The following GABRP variants were observed in gnomAD, a reference collection of about 807,000 sequenced individuals.
The protein encoded by GABRP is gamma-aminobutyric acid receptor subunit pi.
GABRP carries 52 observed loss-of-function variants against 47.8 expected under a neutral mutation model. That is an observed-to-expected ratio of 1.09 (90% confidence interval 0.87 to 1.37). GABRP has a LOEUF of 1.37. Ranked by LOEUF, GABRP falls within the 40% of genes most tolerant of loss-of-function variation. GABRP has a pLI of 0.00. For missense variants in GABRP, 525 were observed against 542.8 expected (o/e 0.97, Z 0.33); for synonymous variants, 221 against 205.8 (o/e 1.07, Z -0.63).
rs137960338 is a variant in GABRP at position 170,805,819 on chromosome 5, T to C, written c.645T>C (p.Tyr215=). The change falls in exon 7 of 10, where the codon TAT becomes TAC. Residue 215 remains tyrosine, a synonymous_variant. Transcript: ENST00000265294. ...TTGCTCAGTACACCATAGAGCGGTA[T>C]TTCACCTTAGTCACCAGATCGCAGC... ...LRLAQYTIER[Y]FTLVTRSQQE... 9.3e-6 allele frequency: 15 copies of C among 1,614,042 alleles called. No homozygotes were observed. The East Asian group carries it at 2.2e-4, about 24-fold the overall frequency.
At chr5:170,785,198 A>C (rs1388193510) in intron 1 of GABRP, among the ~76,000 whole-genome samples, 1 of 152,232 alleles carries the variant, frequency 6.6e-6, no homozygotes, top group Non-Finnish European at 1.5e-5. Flanking sequence ...TCCATCCCCC[A>C]GATGGGTTTG....
At position 170,809,653 on chromosome 5, in the gene GABRP, C is replaced by G. The variant is rs146262800; in HGVS notation, c.918C>G (p.Ile306Met). ...ACACCAACTGCTTCATCAAGGCCAT[C>G]GATGTGTACCTGGGGATCTGCTTTA... ...LPNTNCFIKA[I>M]DVYLGICFSF... The change falls in exon 9 of 10, where the codon ATC (isoleucine) becomes ATG (methionine). Residue 306 changes from isoleucine to methionine, a missense_variant. Ile to Met is a conservative substitution (Grantham distance 10). Coordinates refer to ENST00000265294, the MANE Select transcript of GABRP (RefSeq NM_014211.3). 52 of 1,614,030 alleles carry G rather than the reference C, an allele frequency of 3.2e-5. No homozygotes were observed. The highest frequency in any genetic ancestry group is 4.4e-5 in the Non-Finnish European group (52 of 1,180,000).
chr5:170,786,158 C>T (rs1426099042), intron 1 of GABRP, among the ~76,000 whole-genome samples: 1 of 152,094 alleles, frequency 6.6e-6, no homozygotes, highest in Non-Finnish European at 1.5e-5. Flanking sequence ...CTCAATAAAC[C>T]TGTGGAAAAT....
At chr5:170,807,589 AG>A (rs1765769326) in intron 7 of GABRP, among the ~76,000 whole-genome samples, 1 of 152,196 alleles carries the variant, frequency 6.6e-6, no homozygotes, top group Non-Finnish European at 1.5e-5. Flanking sequence ...AACGGGCAAA[AG>A]ACCTGGTTTT....
At chr5:170,783,100 A>T (rs73800947), upstream of GABRP, among the ~76,000 whole-genome samples, 19,821 of 152,024 alleles carry the variant, frequency 0.13, 1,758 homozygotes, top group African/African-American at 0.23. Flanking sequence ...GGATGGGGGA[A>T]GGTGGAGGGT....
intron 1 of GABRP, among the ~76,000 whole-genome samples, chr5:170,786,314 A>G (rs543989775): frequency 6.6e-6 from 1 of 152,244 alleles, no homozygotes; most frequent in Non-Finnish European, 1.5e-5. Context: ...TGTTGATTTT[A>G]TAACTGGTAT....
At chr5:170,800,574 G>A (rs942351304) in intron 6 of GABRP, among the ~76,000 whole-genome samples, 1 of 152,174 alleles carries the variant, frequency 6.6e-6, no homozygotes, top group African/African-American at 2.4e-5. Context: ...AACAAAATGT[G>A]TTTTATGGCC....
At chr5:170,811,877 A>G in intron 9 of GABRP, 79 bp from the exon 10 acceptor site, 1 of 1,344,994 alleles carries the variant, frequency 7.4e-7, no homozygotes, top group Admixed American at 2.0e-5. Flanking sequence ...AGGCCTCTAA[A>G]CTTTTTATTA....
In GABRP at chr5:170,803,863, G is replaced by A. The variant is rs34246515; in HGVS notation, c.542-1853G>A. Among the ~76,000 whole-genome samples the A allele has an allele frequency of 8.5e-5, 13 of 152,166 alleles. No homozygotes were observed. The East Asian group carries it at 2.1e-3, about 25-fold the overall frequency. ...GCAATCTAGGCTCACTGCAAACTCC[G>A]CCTCCCAGGTGCAAGTGATTCTCCT... On this transcript the variant is annotated intron_variant, in intron 6 of 9. Transcript: ENST00000265294.
chr5:170,798,920 A>T (rs983919345), intron 6 of GABRP, among the ~76,000 whole-genome samples: 5 of 151,124 alleles, frequency 3.3e-5, no homozygotes, highest in Non-Finnish European at 7.4e-5. Context: ...TACATTAGGT[A>T]TATCTCCTAA....
chr5:170,797,823 C>T (rs1765471582), intron 6 of GABRP, among the ~76,000 whole-genome samples: 1 of 152,164 alleles, frequency 6.6e-6, no homozygotes, highest in East Asian at 1.9e-4. Context: ...AGTTGGTGGT[C>T]TAGGCCAGGG....
chr5:170,793,032 C>T (rs1454056564), intron 3 of GABRP, among the ~76,000 whole-genome samples: 2 of 152,162 alleles, frequency 1.3e-5, no homozygotes, highest in Admixed American at 6.5e-5. Context: ...CCTATTATTA[C>T]GTGACTGATG....
chr5:170,792,713 A>G (rs1291094220), intron 3 of GABRP, among the ~76,000 whole-genome samples: 1 of 152,148 alleles, frequency 6.6e-6, no homozygotes, highest in African/African-American at 2.4e-5. Context: ...TTATTGTTCA[A>G]TTGCATTGGC....
rs551236141 is a variant in GABRP, at chr5:170,813,638, A to G, written c.*1380A>G. 1 of 152,278 alleles carries G rather than the reference A, an allele frequency of 6.6e-6. No individual in the cohort carries two copies. Among genetic ancestry groups the G allele is most frequent in the Admixed American group, 6.5e-5 (1 of 15,290 alleles). 9.4% of individuals were successfully genotyped at this position (152,278 alleles called of 1,614,324 possible). ...AAAGGCTTCCAGTTCAGCCTCAGTT[A>G]TTTTAGACAATCTCGCCATCTTTAA... On this transcript the variant is annotated 3_prime_UTR_variant, in exon 10 of 10. Coordinates refer to ENST00000265294, the MANE Select transcript of GABRP (RefSeq NM_014211.3).
intron 7 of GABRP, among the ~76,000 whole-genome samples, chr5:170,807,657 G>A (rs1316425381): frequency 2.6e-5 from 4 of 152,028 alleles, no homozygotes; most frequent in Non-Finnish European, 2.9e-5. Context: ...AACTTCCTGT[G>A]TCTCAATTTA....
Position 170,809,847 on chromosome 5 carries a change from C to G in GABRP, c.1020+92C>G, listed in dbSNP as rs907614920. 6 of 1,197,324 alleles carry G rather than the reference C, an allele frequency of 5.0e-6. No individual in the cohort carries two copies. The African/African-American group carries it at 7.5e-5, about 15-fold the overall frequency. 74.2% of individuals were successfully genotyped at this position (1,197,324 alleles called of 1,614,324 possible). A position where few individuals can be genotyped will look rare whatever the true frequency, so the allele number is the denominator to read the frequency against. On this transcript the variant is annotated intron_variant, in intron 9 of 9. Coordinates refer to ENST00000265294, the MANE Select transcript of GABRP (RefSeq NM_014211.3). ...CTGGACCTGGCTTCTATCCCCACCCCACCCGCAGTGATTCCCTGTGCTCCA... is the reference window on the plus strand; with the variant it reads ...CTGGACCTGGCTTCTATCCCCACCCGACCCGCAGTGATTCCCTGTGCTCCA...
At chr5:170,788,692 G>A (rs762787507) in intron 2 of GABRP, 24 bp downstream of exon 2, 26 of 1,612,054 alleles carry the variant, frequency 1.6e-5, no homozygotes, top group Non-Finnish European at 2.0e-5. Context: ...CCCCCAGAAT[G>A]GCCTCCATCT....
chr5:170,795,692 T>A (rs1765408951), intron 5 of GABRP, among the ~76,000 whole-genome samples: 1 of 151,918 alleles, frequency 6.6e-6, no homozygotes, highest in Admixed American at 6.6e-5. Context: ...ACAAAGGAGG[T>A]CCCTGGTGCT....
chr5:170,801,177 T>C (rs1163007202), intron 6 of GABRP, among the ~76,000 whole-genome samples: 1 of 152,082 alleles, frequency 6.6e-6, no homozygotes, highest in Non-Finnish European at 1.5e-5. Context: ...TCAACCCAGG[T>C]GGAATGGCCC....
Sources: gnomAD v4.1 joint callset for allele counts (sites outside exome capture counted in the v4.1 genomes callset) on GRCh38, gnomAD v4.1.1 for gene constraint, MANE v1.5 for transcripts, NCBI Gene and HGNC (gene_info 2026-07-23, HGNC 2026-07-21) for gene names.